Variants in FBXL4 observed in about 807,000 individuals in gnomAD.
FBXL4 encodes the protein F-box and leucine rich repeat protein 4, also known as F-box/LRR-repeat protein 4.
FBXL4 carries 40 observed loss-of-function variants against 58.9 expected under a neutral mutation model. The ratio of observed to expected loss-of-function variants is 0.68; its 90% CI spans 0.53 to 0.88. The LOEUF (loss-of-function observed/expected upper bound fraction) is 0.88, where lower values mean the gene tolerates loss of function less well. Among genes scored for constraint, FBXL4 ranks in the 40% least tolerant of loss-of-function variants. The probability of loss-of-function intolerance (pLI) is 0.00; values close to 1 mark genes in which losing one functional copy is unlikely to be tolerated. For missense variants in FBXL4, 676 were observed against 734.4 expected, an observed-to-expected ratio of 0.92 and a Z score of 0.92; for synonymous variants, 263 against 265.5, an observed-to-expected ratio of 0.99 and a Z score of 0.09.
chr6:98,937,108 G>C (rs1773250093), intron 1 of FBXL4, among the ~76,000 whole-genome samples: 1 of 152,092 alleles, frequency 6.6e-6, no homozygotes, highest in Non-Finnish European at 1.5e-5. Context: ...TCAGGAGTTT[G>C]AGACCAGCCT....
At chr6:98,903,237 G>T (rs1771677441) in intron 6 of FBXL4, among the ~76,000 whole-genome samples, 2 of 151,926 alleles carry the variant, frequency 1.3e-5, no homozygotes, top group Admixed American at 1.3e-4. Context: ...CATATTTATT[G>T]TTTATTCTGG....
intron 2 of FBXL4, among the ~76,000 whole-genome samples, chr6:98,931,900 C>T (rs764482814): frequency 4.8e-4 from 73 of 152,296 alleles, no homozygotes; most frequent in Non-Finnish European, 7.8e-4. Flanking sequence ...ATTGTCCAGG[C>T]GCTGTCTGGA....
chr6:98,885,539 C>G (rs1406189137), intron 7 of FBXL4, among the ~76,000 whole-genome samples: 4 of 152,128 alleles, frequency 2.6e-5, no homozygotes, highest in Admixed American at 2.6e-4. Context: ...AACAGGCTGA[C>G]CCTCCCTCAA....
chr6:98,944,349 G>A (rs1294796988), intron 1 of FBXL4, among the ~76,000 whole-genome samples: 1 of 152,092 alleles, frequency 6.6e-6, no homozygotes, highest in African/African-American at 2.4e-5. Context: ...TATGTAAAGA[G>A]CTATTACAAA....
At position 98,905,461 on chromosome 6, in the gene FBXL4, G is replaced by T; in HGVS notation, c.1068C>A (p.Gly356=). 1.2e-6 allele frequency: 2 copies of T among 1,614,034 alleles called. No individual in the cohort carries two copies. The highest frequency in any genetic ancestry group is 1.7e-6 in the Non-Finnish European group (2 of 1,179,940). ...LVQWLNLSWT[G]NRGFISVAGF... ...CTGCAACAGAGATGAAGCCTCTATT[G>T]CCAGTCCAAGATAAATTAAGCCACT... Residue 356 remains glycine, a synonymous_variant, in exon 6 of 10, where the codon GGC becomes GGA. Transcript: ENST00000369244.
At chr6:98,923,427 G>A (rs1582434230) in intron 4 of FBXL4, among the ~76,000 whole-genome samples, 1 of 152,128 alleles carries the variant, frequency 6.6e-6, no homozygotes, top group Non-Finnish European at 1.5e-5. Flanking sequence ...TTACTCCCAT[G>A]TCTCCAGTTG....
intron 5 of FBXL4, among the ~76,000 whole-genome samples, chr6:98,912,481 G>A (rs1174397386): frequency 6.6e-6 from 1 of 152,126 alleles, no homozygotes; most frequent in Non-Finnish European, 1.5e-5. Context: ...TGACCTCTCG[G>A]CAGAAACTCT....
At chr6:98,933,619 G>A (rs568076806) in intron 2 of FBXL4, among the ~76,000 whole-genome samples, 5 of 152,034 alleles carry the variant, frequency 3.3e-5, no homozygotes, top group Middle Eastern at 3.4e-3. Context: ...TTATATGTTC[G>A]TATTATTTGC....
chr6:98,917,673 G>T lies in FBXL4; in HGVS notation c.559C>A (p.Gln187Lys), dbSNP rs762351010. 6.2e-7 allele frequency: 1 copy of T among 1,612,990 alleles called. No homozygotes were observed. Among genetic ancestry groups the T allele is most frequent in the South Asian group, 1.1e-5 (1 of 90,882 alleles). Residue 187 changes from glutamine to lysine, a missense_variant, in exon 5 of 10, where the codon CAA becomes AAA. Gln to Lys is a moderately conservative substitution (Grantham distance 53). Coordinates refer to ENST00000369244, the MANE Select transcript of FBXL4 (RefSeq NM_001278716.2). The stretch of plus-strand genomic sequence containing the variant: ...ATACAAGGTTTAAACTGGCGAGCTT[G>T]GGAAGCATTCACCTTCGTAGGTCTC... ...SERPTKVNAS[Q>K]ARQFKPCIKQ...
chr6:98,908,191 T>C (rs1286451703), intron 5 of FBXL4, among the ~76,000 whole-genome samples: 1 of 152,186 alleles, frequency 6.6e-6, no homozygotes, highest in African/African-American at 2.4e-5. Context: ...CTACACTCAG[T>C]TCTAACCATC....
At chr6:98,931,299 A>C (rs1773002857) in intron 2 of FBXL4, among the ~76,000 whole-genome samples, 1 of 152,268 alleles carries the variant, frequency 6.6e-6, no homozygotes, top group South Asian at 2.1e-4. Context: ...TAATATCAAA[A>C]GCAAGACTGT....
chr6:98,927,113 T>G, intron 3 of FBXL4, 53 bp from the exon 4 acceptor site: 1 of 901,766 alleles, frequency 1.1e-6, no homozygotes, highest in African/African-American at 1.7e-5. Context: ...AGCAGAAAAA[T>G]GCATGGATAA....
chr6:98,913,928 TAAAG>T (rs932253995), intron 5 of FBXL4, among the ~76,000 whole-genome samples: 5 of 142,574 alleles, frequency 3.5e-5, no homozygotes, highest in African/African-American at 1.3e-4. Flanking sequence ...ACAAGACTAA[TAAAG>T]AAAAAAAGAG....
At position 98,868,656 on chromosome 6, in the gene FBXL4, A is replaced by C. The variant is rs1477017606; in HGVS notation, c.*5622T>G. 1.3e-5 allele frequency: 2 copies of C among 152,188 alleles called. No individual in the cohort carries two copies. The highest frequency in any genetic ancestry group is 4.8e-5 in the African/African-American group (2 of 41,462). 9.4% of individuals were successfully genotyped at this position (152,188 alleles called of 1,614,324 possible). A position where few individuals can be genotyped will look rare whatever the true frequency, so the allele number is the denominator to read the frequency against. ...TAAAATATCTCAGTCGTCTGTACAGACAACTTCATTTGTAACAGAGACTTG... is the reference window on the plus strand; with the variant it reads ...TAAAATATCTCAGTCGTCTGTACAGCCAACTTCATTTGTAACAGAGACTTG... On this transcript the variant is annotated 3_prime_UTR_variant, in exon 10 of 10. Coordinates refer to ENST00000369244, the MANE Select transcript of FBXL4 (RefSeq NM_001278716.2).
chr6:98,903,808 T>C (rs2128392101), intron 6 of FBXL4, among the ~76,000 whole-genome samples: 1 of 152,310 alleles, frequency 6.6e-6, no homozygotes, highest in Middle Eastern at 3.4e-3. Flanking sequence ...TTTTCTTTAA[T>C]GTCTACACAT....
rs763205435 is a variant in FBXL4, at chr6:98,926,822, T to C, written c.167A>G (p.Lys56Arg). The change falls in exon 4 of 10, where the codon AAA (lysine) becomes AGA (arginine). Residue 56 changes from lysine to arginine, a missense_variant. Transcript: ENST00000369244. ...PLNAEVVQYA[K>R]EVVDFSSHYG... Reference sequence around the variant, plus strand: ...ATGGGAACTGAAATCCACTACTTCTTTGGCATACTGGACTACCTCTGCATT... The same window carrying C: ...ATGGGAACTGAAATCCACTACTTCTCTGGCATACTGGACTACCTCTGCATT... 2 of 1,614,218 alleles carry C rather than the reference T, an allele frequency of 1.2e-6. No homozygotes were observed. Among genetic ancestry groups the C allele is most frequent in the South Asian group, 1.1e-5 (1 of 91,080 alleles).
chr6:98,942,430 G>C (rs980861509), intron 1 of FBXL4, among the ~76,000 whole-genome samples: 1 of 152,132 alleles, frequency 6.6e-6, no homozygotes, highest in Non-Finnish European at 1.5e-5. Flanking sequence ...CCTGGAAGGT[G>C]ATTGGATCAT....
rs1310610621 is a variant in FBXL4 at position 98,905,411 on chromosome 6, A to G, written c.1103+15T>C. On this transcript the variant is annotated intron_variant, in intron 6 of 9. Transcript: ENST00000369244. ...GCTGGGGGGGAAAAAAACTTCATCA[A>G]GGCTTTGTACTAACCTGCTAAATCC... 6.2e-7 allele frequency: 1 copy of G among 1,608,908 alleles called. No homozygotes were observed.
At position 98,905,406 on chromosome 6, in the gene FBXL4, C is replaced by T; in HGVS notation, c.1103+20G>A. 6.2e-7 allele frequency: 1 copy of T among 1,608,602 alleles called. No individual in the cohort carries two copies. On this transcript the variant is annotated intron_variant, in intron 6 of 9. Transcript: ENST00000369244. ...CTGCTGCTGGGGGGGAAAAAAACTT[C>T]ATCAAGGCTTTGTACTAACCTGCTA...
Sources: allele counts gnomAD v4.1 joint callset (sites outside exome capture counted in the v4.1 genomes callset), GRCh38; gene constraint gnomAD v4.1.1; transcripts MANE v1.5; gene names NCBI Gene and HGNC (gene_info 2026-07-23, HGNC 2026-07-21).